Variants in CLASP1 observed in about 807,000 individuals in gnomAD.
CLASP1 encodes the protein CLIP-associating protein 1.
Under a neutral mutation model 192.3 loss-of-function variants are expected in CLASP1, and 38 were observed. The observed-to-expected ratio is 0.20, with a 90% CI of 0.15 to 0.26. CLASP1 has a LOEUF of 0.26. Ranked by LOEUF, CLASP1 falls within the 10% of genes least tolerant of loss-of-function variation. The probability of loss-of-function intolerance (pLI) is 1.00; values close to 1 mark genes in which losing one functional copy is unlikely to be tolerated. For missense variants in CLASP1, 1,433 were observed against 1,932.5 expected, an observed-to-expected ratio of 0.74 and a Z score of 4.85; for synonymous variants, 691 against 712.8, an observed-to-expected ratio of 0.97 and a Z score of 0.49.
At chr2:121,594,430 T>C (rs2062861853) in intron 2 of CLASP1, among the ~76,000 whole-genome samples, 1 of 151,350 alleles carries the variant, frequency 6.6e-6, no homozygotes, top group South Asian at 2.1e-4. Context: ...TCTTGCTCTG[T>C]TGCCCAGGCT....
At chr2:121,362,012 TCAAG>T (rs2066505918) in intron 37 of CLASP1, among the ~76,000 whole-genome samples, 1 of 152,244 alleles carries the variant, frequency 6.6e-6, no homozygotes, top group Non-Finnish European at 1.5e-5. Context: ...CAGTCACTGC[TCAAG>T]CAGTCACACA....
intron 32 of CLASP1, among the ~76,000 whole-genome samples, chr2:121,383,196 T>C (rs1043114110): frequency 2.0e-5 from 3 of 152,158 alleles, no homozygotes; most frequent in Non-Finnish European, 2.9e-5. Flanking sequence ...GTGGAGTCCA[T>C]GGCATCAGTG....
At chr2:121,512,378 T>C (rs572693030) in intron 7 of CLASP1, among the ~76,000 whole-genome samples, 8 of 152,374 alleles carry the variant, frequency 5.3e-5, no homozygotes, top group Admixed American at 3.3e-4. Flanking sequence ...TTGTCAAGCA[T>C]GCCTCACAGG....
intron 8 of CLASP1, among the ~76,000 whole-genome samples, chr2:121,487,017 T>C (rs904318517): frequency 1.6e-4 from 25 of 152,200 alleles, no homozygotes; most frequent in Admixed American, 9.8e-4. Flanking sequence ...TAATCACCTA[T>C]AATCATCTTA....
intron 1 of CLASP1, among the ~76,000 whole-genome samples, chr2:121,625,058 C>T (rs191044596): frequency 1.4e-4 from 21 of 152,192 alleles, no homozygotes; most frequent in African/African-American, 4.3e-4. Flanking sequence ...TTAATTGAGG[C>T]TTGTTTTATG....
chr2:121,552,138 C>T (rs2058099178), intron 2 of CLASP1, among the ~76,000 whole-genome samples: 1 of 152,148 alleles, frequency 6.6e-6, no homozygotes, highest in Non-Finnish European at 1.5e-5. Flanking sequence ...GGCTAGCCAT[C>T]TGCAGAAGAT....
chr2:121,494,247 A>G (rs2093438209), intron 8 of CLASP1, among the ~76,000 whole-genome samples: 1 of 152,230 alleles, frequency 6.6e-6, no homozygotes, highest in Admixed American at 6.5e-5. Flanking sequence ...ATGCCTATAC[A>G]CAATGCAGTA....
intron 1 of CLASP1, among the ~76,000 whole-genome samples, chr2:121,643,771 T>G (rs369250142): frequency 6.6e-6 from 1 of 152,186 alleles, no homozygotes; most frequent in African/African-American, 2.4e-5. Context: ...CATCTATTCA[T>G]CTATTACTTG....
intron 22 of CLASP1, among the ~76,000 whole-genome samples, chr2:121,419,062 CG>C (rs2079067387): frequency 6.6e-6 from 1 of 152,134 alleles, no homozygotes; most frequent in African/African-American, 2.4e-5. Context: ...CTTTTAGAAA[CG>C]ATCAGTTTTT....
At position 121,469,879 on chromosome 2, in the gene CLASP1, C is replaced by G. The variant is rs150204660; in HGVS notation, c.794G>C (p.Ser265Thr). The G allele has an allele frequency of 1.2e-3, 1,883 of 1,613,862 alleles. 42 individuals carry two copies. The South Asian group carries it at 0.02, about 17-fold the overall frequency. Reference sequence around the variant, plus strand: ...TCCCATTCCAACGTTTCTCCGAGAACTTGGTGGAGCCTTGGATGATGTAGA... The same window carrying G: ...TCCCATTCCAACGTTTCTCCGAGAAGTTGGTGGAGCCTTGGATGATGTAGA... The change falls in exon 9 of 40, where the codon AGT (serine) becomes ACT (threonine). Residue 265 changes from serine to threonine, a missense_variant. Physicochemically the swap from Ser to Thr is moderately conservative, Grantham distance 58. Transcript: ENST00000263710.
At chr2:121,627,541 C>G (rs1462065183) in intron 1 of CLASP1, among the ~76,000 whole-genome samples, 1 of 152,206 alleles carries the variant, frequency 6.6e-6, no homozygotes, top group Non-Finnish European at 1.5e-5. Context: ...AAGGCTACAA[C>G]AGTGAAACAA....
At chr2:121,376,436 C>A (rs980552981) in intron 34 of CLASP1, among the ~76,000 whole-genome samples, 1 of 139,586 alleles carries the variant, frequency 7.2e-6, no homozygotes, top group Non-Finnish European at 1.5e-5. Context: ...AGACCGAAAT[C>A]ATATATTCTC....
At chr2:121,406,581 T>C (rs1269198336) in intron 25 of CLASP1, among the ~76,000 whole-genome samples, 1 of 152,056 alleles carries the variant, frequency 6.6e-6, no homozygotes, top group African/African-American at 2.4e-5. Context: ...TATGGGGTCT[T>C]TATTTTTTTA....
At chr2:121,558,103 A>C (rs1001978989) in intron 2 of CLASP1, among the ~76,000 whole-genome samples, 5 of 152,108 alleles carry the variant, frequency 3.3e-5, no homozygotes, top group Non-Finnish European at 5.9e-5. Flanking sequence ...AAAAAAAAGA[A>C]CACCTATTAT....
At chr2:121,494,430 C>A (rs904368979) in intron 8 of CLASP1, among the ~76,000 whole-genome samples, 4 of 151,872 alleles carry the variant, frequency 2.6e-5, no homozygotes, top group African/African-American at 9.7e-5. Context: ...GAGTAGAATA[C>A]CAGTTACCAG....
At chr2:121,461,076 T>C (rs1369462630) in intron 11 of CLASP1, 25 bp downstream of exon 11, 3 of 1,363,046 alleles carry the variant, frequency 2.2e-6, no homozygotes, top group South Asian at 2.5e-5. Flanking sequence ...TATGAAAATG[T>C]AATCACATGA....
At chr2:121,460,083 A>G (rs940836161) in exon 12 of CLASP1, 2 of 1,613,520 alleles carry the variant, frequency 1.2e-6, no homozygotes, top group Non-Finnish European at 1.7e-6. Context: ...AAGTTATCAT[A>G]CTCAGCAGCA....
intron 4 of CLASP1, among the ~76,000 whole-genome samples, 170 bp from the exon 5 acceptor site, chr2:121,528,060 TA>T (rs1214886818): frequency 6.6e-6 from 1 of 152,244 alleles, no homozygotes; most frequent in African/African-American, 2.4e-5. Context: ...TCTATCATGT[TA>T]TCAAGTATAT....
chr2:121,451,000 T>C lies in CLASP1; in HGVS notation c.1446-10A>G, dbSNP rs2085353261. The C allele has an allele frequency of 1.3e-6, 2 of 1,525,388 alleles. No homozygotes were observed. The highest frequency in any genetic ancestry group is 1.2e-5 in the South Asian group (1 of 86,802). 94.5% of individuals were successfully genotyped at this position (1,525,388 alleles called of 1,614,324 possible). On this transcript the variant is annotated splice_polypyrimidine_tract_variant and intron_variant, in intron 15 of 39. Coordinates refer to ENST00000263710, the Ensembl canonical transcript of CLASP1. ...TAATACTGATATGTGTCTAGATATTTAGAAAAGAAAGCAGTAACAATCATA... is the reference window on the plus strand; with the variant it reads ...TAATACTGATATGTGTCTAGATATTCAGAAAAGAAAGCAGTAACAATCATA...
Sources: allele counts gnomAD v4.1 joint callset (sites outside exome capture counted in the v4.1 genomes callset), GRCh38; gene constraint gnomAD v4.1.1; transcripts MANE v1.5; gene names NCBI Gene and HGNC (gene_info 2026-07-23, HGNC 2026-07-21).